The following SLC41A2 variants were observed in gnomAD, a reference collection of about 807,000 sequenced individuals.
SLC41A2 encodes the protein solute carrier family 41 member 2.
SLC41A2 carries 32 observed loss-of-function variants against 58.3 expected under a neutral mutation model. The ratio of observed to expected loss-of-function variants is 0.55; its 90% CI spans 0.41 to 0.74. The LOEUF (loss-of-function observed/expected upper bound fraction) is 0.74, where lower values mean the gene tolerates loss of function less well. Among genes scored for constraint, SLC41A2 ranks in the 30% least tolerant of loss-of-function variants. The pLI is 0.00. For synonymous variants in SLC41A2, 190 were observed against 235.0 expected, an observed-to-expected ratio of 0.81 and a Z score of 1.75; for missense variants, 514 against 680.6, an observed-to-expected ratio of 0.76 and a Z score of 2.72.
intron 8 of SLC41A2, among the ~76,000 whole-genome samples, chr12:104,860,544 G>A (rs957822211): frequency 3.3e-5 from 5 of 151,702 alleles, no homozygotes; most frequent in African/African-American, 4.8e-5. Context: ...AAAAATATAC[G>A]ACAGATTTTT....
intron 3 of SLC41A2, among the ~76,000 whole-genome samples, chr12:104,904,062 A>C (rs2045691413): frequency 6.6e-6 from 1 of 152,238 alleles, no homozygotes; most frequent in Admixed American, 6.5e-5. Context: ...ATCAAATTAA[A>C]CAGCAAATAT....
intron 3 of SLC41A2, among the ~76,000 whole-genome samples, chr12:104,898,160 T>A (rs1034174093): frequency 1.3e-5 from 2 of 152,148 alleles, no homozygotes; most frequent in East Asian, 1.9e-4. Context: ...CATCAACTAA[T>A]TTTTTAGGAA....
intron 2 of SLC41A2, among the ~76,000 whole-genome samples, chr12:104,923,204 C>CAAAAAAAAAAAAAAAAAAA (rs1267157553): frequency 3.3e-4 from 36 of 107,860 alleles, no homozygotes; most frequent in Non-Finnish European, 4.0e-4. Context: ...CTACTAAAAG[C>CAAAAAAAAAAAAAAAAAAA]ACAAAAAATT....
At chr12:104,808,745 G>T (rs1409517659) in intron 10 of SLC41A2, among the ~76,000 whole-genome samples, 1 of 152,152 alleles carries the variant, frequency 6.6e-6, no homozygotes, top group Non-Finnish European at 1.5e-5. Context: ...CAATTTCAGA[G>T]CCTGTTATTG....
At chr12:104,937,071 C>T (rs1421288874) in intron 1 of SLC41A2, among the ~76,000 whole-genome samples, 1 of 152,202 alleles carries the variant, frequency 6.6e-6, no homozygotes, top group African/African-American at 2.4e-5. Flanking sequence ...TGATTGTGCA[C>T]TGCACCCCAG....
chr12:104,840,399 T>C (rs2042369335), intron 10 of SLC41A2, among the ~76,000 whole-genome samples: 1 of 152,238 alleles, frequency 6.6e-6, no homozygotes, highest in Non-Finnish European at 1.5e-5. Flanking sequence ...AAAAAAATTA[T>C]ATTCTAAAAC....
At chr12:104,881,966 C>T (rs1382442223) in intron 6 of SLC41A2, among the ~76,000 whole-genome samples, 2 of 152,132 alleles carry the variant, frequency 1.3e-5, no homozygotes, top group Non-Finnish European at 2.9e-5. Flanking sequence ...CTTTGTAGGT[C>T]TCTCAGGACT....
chr12:104,954,442 A>T (rs1405490364), intron 1 of SLC41A2, among the ~76,000 whole-genome samples: 1 of 152,256 alleles, frequency 6.6e-6, no homozygotes, highest in Non-Finnish European at 1.5e-5. Context: ...ATATCTCCAT[A>T]GCGATTCCCA....
intron 1 of SLC41A2, among the ~76,000 whole-genome samples, chr12:104,948,387 A>G (rs1229409900): frequency 6.6e-6 from 1 of 152,146 alleles, no homozygotes; most frequent in Non-Finnish European, 1.5e-5. Flanking sequence ...TAAGTCCTAA[A>G]AAATATATAA....
chr12:104,903,402 G>A (rs993655592), intron 3 of SLC41A2, among the ~76,000 whole-genome samples: 6 of 152,088 alleles, frequency 3.9e-5, no homozygotes, highest in Admixed American at 2.6e-4. Context: ...TCACTCACTC[G>A]GTCCCAGCCC....
At chr12:104,896,303 CT>C (rs1368411327) in intron 3 of SLC41A2, among the ~76,000 whole-genome samples, 1 of 152,180 alleles carries the variant, frequency 6.6e-6, no homozygotes, top group Non-Finnish European at 1.5e-5. Flanking sequence ...TCACTGTGGA[CT>C]TTAGTCTCAA....
intron 10 of SLC41A2, among the ~76,000 whole-genome samples, chr12:104,818,088 C>A (rs2041485537): frequency 6.6e-6 from 1 of 152,020 alleles, no homozygotes; most frequent in Non-Finnish European, 1.5e-5. Flanking sequence ...ATGTTGTATA[C>A]TATAAATATA....
intron 10 of SLC41A2, among the ~76,000 whole-genome samples, chr12:104,823,380 A>T (rs987193336): frequency 6.6e-6 from 1 of 152,226 alleles, no homozygotes; most frequent in Non-Finnish European, 1.5e-5. Context: ...ACTAAAATCA[A>T]CAACAAGTTA....
In SLC41A2 at chr12:104,842,766, T is replaced by C. The variant is rs114627166; in HGVS notation, c.1536+1706A>G. Among the ~76,000 whole-genome samples, 603 of 152,198 alleles carry C rather than the reference T, an allele frequency of 4.0e-3. 4 individuals carry two copies. The highest frequency in any genetic ancestry group is 0.014 in the African/African-American group (578 of 41,572). On this transcript the variant is annotated intron_variant, in intron 10 of 10. Transcript: ENST00000258538. ...CACAGTGGATATATGTTGAAATCTA[T>C]TTTTAATAAACTAGAAAAATTACTT...
intron 6 of SLC41A2, among the ~76,000 whole-genome samples, chr12:104,885,382 C>T (rs182681549): frequency 0.014 from 2,184 of 152,176 alleles, 30 homozygotes; most frequent in Non-Finnish European, 0.025. Flanking sequence ...TGGTTAAAGC[C>T]CTTTCTTTAT....
At chr12:104,924,914 C>A (rs578174800) in intron 2 of SLC41A2, among the ~76,000 whole-genome samples, 14 of 152,014 alleles carry the variant, frequency 9.2e-5, no homozygotes, top group East Asian at 3.9e-4. Flanking sequence ...CACACACACA[C>A]AAAAAACCAT....
intron 4 of SLC41A2, among the ~76,000 whole-genome samples, chr12:104,892,704 A>T (rs1200724348): frequency 1.3e-5 from 2 of 152,202 alleles, no homozygotes. Context: ...AAATCCATAT[A>T]TCTACAGTGA....
At chr12:104,891,017 C>T (rs966078999) in intron 4 of SLC41A2, among the ~76,000 whole-genome samples, 1 of 152,180 alleles carries the variant, frequency 6.6e-6, no homozygotes, top group Non-Finnish European at 1.5e-5. Flanking sequence ...CACTCATCAT[C>T]TACTCTTTCA....
At chr12:104,937,831 G>T (rs2047344684) in intron 1 of SLC41A2, among the ~76,000 whole-genome samples, 1 of 152,110 alleles carries the variant, frequency 6.6e-6, no homozygotes, top group South Asian at 2.1e-4. Flanking sequence ...ACTTTGAGAA[G>T]CACCTCCCAA....
Sources: gnomAD v4.1 joint callset for allele counts (sites outside exome capture counted in the v4.1 genomes callset) on GRCh38, gnomAD v4.1.1 for gene constraint, MANE v1.5 for transcripts, NCBI Gene and HGNC (gene_info 2026-07-23, HGNC 2026-07-21) for gene names.